Variants in NXPH1 observed in about 807,000 individuals in gnomAD.
NXPH1 encodes the protein neurexophilin-1.
NXPH1 carries 5 observed loss-of-function variants against 23.7 expected under a neutral mutation model. The observed-to-expected ratio is 0.21, with a 90% CI of 0.11 to 0.44. The LOEUF (loss-of-function observed/expected upper bound fraction) is 0.44, where lower values mean the gene tolerates loss of function less well. Among genes scored for constraint, NXPH1 ranks in the 20% least tolerant of loss-of-function variants. The pLI, the probability that NXPH1 is intolerant of heterozygous loss-of-function variation, is 0.99. For missense variants in NXPH1, 324 were observed against 321.6 expected (o/e 1.01, Z -0.06); for synonymous variants, 144 against 122.2 (o/e 1.18, Z -1.18).
At chr7:8,512,992 A>G (rs995037344) in intron 2 of NXPH1, among the ~76,000 whole-genome samples, 1 of 152,136 alleles carries the variant, frequency 6.6e-6, no homozygotes, top group Non-Finnish European at 1.5e-5. Flanking sequence ...GAAGCTATAC[A>G]GTATCGACCC....
At chr7:8,532,181 A>C (rs1214616725) in intron 2 of NXPH1, among the ~76,000 whole-genome samples, 1 of 152,156 alleles carries the variant, frequency 6.6e-6, no homozygotes, top group Admixed American at 6.6e-5. Context: ...CCAGGGAAAG[A>C]TATTTTCCTG....
intron 2 of NXPH1, among the ~76,000 whole-genome samples, chr7:8,472,734 A>G (rs1816889050): frequency 6.6e-6 from 1 of 152,148 alleles, no homozygotes; most frequent in African/African-American, 2.4e-5. Context: ...TCAGTCTTAT[A>G]AAGAGTTAAA....
rs576848198 is a variant in NXPH1, at chr7:8,738,532, G to C, written c.55-12476G>C. The stretch of plus-strand genomic sequence containing the variant: ...AGGGACACCTGCCAGATACCAGCTG[G>C]AGCTCTCCTATATGAGGTGTCTGTC... On this transcript the variant is annotated intron_variant, in intron 2 of 2. Transcript: ENST00000405863. 2.6e-5 allele frequency among the ~76,000 whole-genome samples: 4 copies of C among 152,264 alleles called. No homozygotes were observed. In the South Asian group the frequency reaches 8.3e-4, roughly 32 times the overall value.
Position 8,560,079 on chromosome 7 carries a change from A to G in NXPH1, c.54+124312A>G, listed in dbSNP as rs10230914. 9.4e-3 allele frequency among the ~76,000 whole-genome samples: 1,422 copies of G among 151,862 alleles called. 21 individuals carry two copies. The highest frequency in any genetic ancestry group is 0.033 in the African/African-American group (1,371 of 41,498). On this transcript the variant is annotated intron_variant, in intron 2 of 2. Coordinates refer to ENST00000405863, the MANE Select transcript of NXPH1 (RefSeq NM_152745.3). ...TTCATTTTACTTTGATGCCTCAGTT[A>G]CAAAACAGAATTCTACTTGAAAGAT...
intron 2 of NXPH1, among the ~76,000 whole-genome samples, chr7:8,538,826 A>T (rs934990051): frequency 6.6e-6 from 1 of 151,908 alleles, no homozygotes; most frequent in Non-Finnish European, 1.5e-5. Flanking sequence ...GGTAAAGCTG[A>T]AGTCCCAGAC....
At chr7:8,497,131 G>C (rs372596412) in intron 2 of NXPH1, among the ~76,000 whole-genome samples, 2 of 152,028 alleles carry the variant, frequency 1.3e-5, no homozygotes, top group Non-Finnish European at 2.9e-5. Context: ...CTGTCCTTGC[G>C]ATAGTTTTCT....
chr7:8,456,628 C>CT (rs201262934), intron 2 of NXPH1, among the ~76,000 whole-genome samples: 2,234 of 151,684 alleles, frequency 0.015, 66 homozygotes, highest in African/African-American at 0.051. Flanking sequence ...GAAAACGTAA[C>CT]TTTTTTTTTG....
chr7:8,652,868 T>C (rs1443089553), intron 2 of NXPH1, among the ~76,000 whole-genome samples: 3 of 152,212 alleles, frequency 2.0e-5, no homozygotes, highest in Non-Finnish European at 4.4e-5. Flanking sequence ...AATTCTCTTT[T>C]TTGTGTAGCT....
At chr7:8,634,816 C>T (rs1435043315) in intron 2 of NXPH1, among the ~76,000 whole-genome samples, 1 of 151,996 alleles carries the variant, frequency 6.6e-6, no homozygotes, top group African/African-American at 2.4e-5. Flanking sequence ...AAGAACTCCT[C>T]TCTGCCCCAA....
Position 8,480,371 on chromosome 7 carries a change from C to T in NXPH1, c.54+44604C>T, listed in dbSNP as rs1416899434. Reference sequence around the variant, plus strand: ...ATGTGGCCTGAGATCTTATTAAATGCCTACAGTTCAAAACTCTTGAAATGG... The same window carrying T: ...ATGTGGCCTGAGATCTTATTAAATGTCTACAGTTCAAAACTCTTGAAATGG... On this transcript the variant is annotated intron_variant, in intron 2 of 2. Coordinates refer to ENST00000405863, the MANE Select transcript of NXPH1 (RefSeq NM_152745.3). Among the ~76,000 whole-genome samples the T allele has an allele frequency of 3.3e-5, 5 of 152,114 alleles. No individual in the cohort carries two copies. The South Asian group carries it at 6.2e-4, about 19-fold the overall frequency.
intron 2 of NXPH1, among the ~76,000 whole-genome samples, chr7:8,672,482 AT>A (rs1272027065): frequency 6.6e-6 from 1 of 152,062 alleles, no homozygotes; most frequent in East Asian, 1.9e-4. Flanking sequence ...ATAAAAAAAG[AT>A]TAAAAAAACC....
intron 2 of NXPH1, among the ~76,000 whole-genome samples, chr7:8,499,516 A>T (rs4725098): frequency 1.3e-5 from 2 of 152,090 alleles, no homozygotes; most frequent in African/African-American, 4.8e-5. Context: ...CAGCCTAAGT[A>T]GCTTGTAGTT....
intron 2 of NXPH1, among the ~76,000 whole-genome samples, chr7:8,521,161 A>G (rs969272245): frequency 6.6e-6 from 1 of 152,166 alleles, no homozygotes; most frequent in Non-Finnish European, 1.5e-5. Context: ...GAAGATGGAT[A>G]TGATGAATGT....
chr7:8,548,840 G>A (rs1272188098), intron 2 of NXPH1, among the ~76,000 whole-genome samples: 1 of 151,512 alleles, frequency 6.6e-6, no homozygotes, highest in Non-Finnish European at 1.5e-5. Context: ...GGCACTTACT[G>A]TTGCTGTGCT....
chr7:8,615,573 A>G (rs554359236), intron 2 of NXPH1, among the ~76,000 whole-genome samples: 6 of 152,142 alleles, frequency 3.9e-5, no homozygotes, highest in Non-Finnish European at 8.8e-5. Context: ...TTATTGCCTC[A>G]TTTTGGAACA....
chr7:8,746,059 C>T (rs186497785), intron 2 of NXPH1, among the ~76,000 whole-genome samples: 24 of 152,278 alleles, frequency 1.6e-4, no homozygotes, highest in Non-Finnish European at 5.9e-5. Flanking sequence ...TTGATGCCTC[C>T]AGTAGACTGT....
chr7:8,586,973 G>T (rs1371945578), intron 2 of NXPH1, among the ~76,000 whole-genome samples: 1 of 151,888 alleles, frequency 6.6e-6, no homozygotes, highest in Non-Finnish European at 1.5e-5. Context: ...GCATAAAGAT[G>T]GATACATAGA....
intron 2 of NXPH1, among the ~76,000 whole-genome samples, chr7:8,730,562 C>T (rs953712104): frequency 6.6e-6 from 1 of 151,926 alleles, no homozygotes; most frequent in African/African-American, 2.4e-5. Flanking sequence ...TCAGCATTTG[C>T]TTGTCTGTAA....
In NXPH1 at chr7:8,435,069, C is replaced by T. The variant is rs1186673310; in HGVS notation, c.-111+314C>T. Reference sequence around the variant, plus strand: ...ATTCTCTTTCCCCACCCCCACTTCACCGAACGTGTTGAGGTACCTAGCACC... The same window carrying T: ...ATTCTCTTTCCCCACCCCCACTTCATCGAACGTGTTGAGGTACCTAGCACC... On this transcript the variant is annotated intron_variant, in intron 1 of 2. Coordinates refer to ENST00000405863, the MANE Select transcript of NXPH1 (RefSeq NM_152745.3). The surrounding 1 kb of genome is among the most constrained non-coding windows in gnomAD (Gnocchi z 5.9). 1.3e-5 allele frequency: 2 copies of T among 153,326 alleles called. No homozygotes were observed. Among genetic ancestry groups the T allele is most frequent in the African/African-American group, 4.8e-5 (2 of 41,456 alleles). The allele number at this position is 153,326 out of a possible 1,614,324, so 9.5% of individuals were successfully genotyped here. A position where few individuals can be genotyped will look rare whatever the true frequency, so the allele number is the denominator to read the frequency against.
Sources: allele counts gnomAD v4.1 joint callset (sites outside exome capture counted in the v4.1 genomes callset), GRCh38; gene constraint gnomAD v4.1.1; non-coding constraint Gnocchi (gnomAD v3.1); transcripts MANE v1.5; gene names NCBI Gene and HGNC (gene_info 2026-07-23, HGNC 2026-07-21).